CALN1: variants seen among roughly 807,000 people sequenced by gnomAD.
CALN1 encodes calcium-binding protein 8.
CALN1 carries 17 observed loss-of-function variants against 30.6 expected under a neutral mutation model. That is an observed-to-expected ratio of 0.56 (90% CI 0.38 to 0.83). The LOEUF (loss-of-function observed/expected upper bound fraction) is 0.83. CALN1 is among the 40% of genes least tolerant of loss of function. CALN1 has a pLI of 0.00. For missense variants in CALN1, 291 were observed against 354.9 expected, an observed-to-expected ratio of 0.82 and a Z score of 1.45; for synonymous variants, 156 against 131.4, an observed-to-expected ratio of 1.19 and a Z score of -1.28.
intron 4 of CALN1, among the ~76,000 whole-genome samples, chr7:72,074,571 C>G (rs1165315542): frequency 6.6e-6 from 1 of 152,126 alleles, no homozygotes; most frequent in African/African-American, 2.4e-5. Context: ...CCACTCCAGA[C>G]TAATTTTTGT....
At chr7:71,968,516 C>T (rs1008580202) in intron 5 of CALN1, among the ~76,000 whole-genome samples, 3 of 151,902 alleles carry the variant, frequency 2.0e-5, no homozygotes, top group Non-Finnish European at 1.5e-5. Flanking sequence ...CTGCACCCTC[C>T]GCCTGCCGGG....
chr7:72,023,544 T>C, intron 5 of CALN1, 113 bp downstream of exon 5: 1 of 617,846 alleles, frequency 1.6e-6, no homozygotes, highest in South Asian at 3.6e-5. Flanking sequence ...CATATGTCGC[T>C]CAGCCCAGAA....
chr7:72,030,292 C>G (rs1801353695), intron 4 of CALN1, among the ~76,000 whole-genome samples: 1 of 152,150 alleles, frequency 6.6e-6, no homozygotes, highest in African/African-American at 2.4e-5. Flanking sequence ...GGATAGGTCC[C>G]CCATATCTCC....
intron 2 of CALN1, among the ~76,000 whole-genome samples, chr7:72,293,988 C>T (rs140984298): frequency 0.035 from 5,329 of 152,214 alleles, 141 homozygotes; most frequent in Non-Finnish European, 0.052. Flanking sequence ...ATCCCAGCTA[C>T]TCGGGAGGCT....
chr7:72,333,284 A>AT (rs1192040912), intron 2 of CALN1, among the ~76,000 whole-genome samples: 3 of 152,184 alleles, frequency 2.0e-5, no homozygotes, highest in Non-Finnish European at 4.4e-5. Context: ...TAATCTGTGA[A>AT]TTTTTTGATG....
chr7:72,010,373 G>C (rs1008761923), intron 5 of CALN1, among the ~76,000 whole-genome samples: 2 of 152,110 alleles, frequency 1.3e-5, no homozygotes, highest in African/African-American at 4.8e-5. Flanking sequence ...TTGTTTATAA[G>C]CTACCTGGTC....
chr7:72,359,290 C>T (rs1803417863), intron 2 of CALN1, among the ~76,000 whole-genome samples: 1 of 152,224 alleles, frequency 6.6e-6, no homozygotes, highest in Non-Finnish European at 1.5e-5. Context: ...TCACACGGTT[C>T]AATATTCCAA....
intron 5 of CALN1, among the ~76,000 whole-genome samples, chr7:71,954,126 C>T (rs1197215542): frequency 6.6e-6 from 1 of 151,846 alleles, no homozygotes; most frequent in Non-Finnish European, 1.5e-5. Flanking sequence ...GAATTTGAGG[C>T]CAACGTGGGC....
intron 5 of CALN1, among the ~76,000 whole-genome samples, chr7:71,916,412 A>T (rs1467172961): frequency 6.6e-6 from 1 of 151,974 alleles, no homozygotes; most frequent in Non-Finnish European, 1.5e-5. Context: ...AAGAGTGGGC[A>T]GAGGAGAAGA....
chr7:72,456,605 A>G, the CALN1 span, among the ~76,000 whole-genome samples: 1 of 152,044 alleles, frequency 6.6e-6, no homozygotes, highest in Non-Finnish European at 1.5e-5. Flanking sequence ...TAGTCCCAGC[A>G]CTTTGGAAGG....
chr7:72,313,853 C>T lies in CALN1; in HGVS notation c.120-35043G>A, dbSNP rs11978381. On this transcript the variant is annotated intron_variant, in intron 2 of 6. Transcript: ENST00000395275. Reference sequence around the variant, plus strand: ...TACTCCCCTGTAAACTACAAGGAAACAGAGGAAGGGAAGGGAGAGATTTCA... The same window carrying T: ...TACTCCCCTGTAAACTACAAGGAAATAGAGGAAGGGAAGGGAGAGATTTCA... 3.4e-3 allele frequency among the ~76,000 whole-genome samples: 515 copies of T among 152,182 alleles called. 4 individuals carry two copies. Among genetic ancestry groups the T allele is most frequent in the African/African-American group, 0.012 (491 of 41,522 alleles).
intron 3 of CALN1, among the ~76,000 whole-genome samples, chr7:72,111,878 A>G (rs860006): frequency 0.73 from 111,597 of 151,852 alleles, 41,315 homozygotes; most frequent in East Asian, 0.97. Flanking sequence ...AGCCTCATGA[A>G]TAGCTGGGAT....
At chr7:71,997,150 T>C (rs942832846) in intron 5 of CALN1, among the ~76,000 whole-genome samples, 69 of 152,084 alleles carry the variant, frequency 4.5e-4, no homozygotes, top group Non-Finnish European at 3.8e-4. Context: ...GGAGGATGGC[T>C]TGAGCCCAGG....
At chr7:72,225,489 C>T (rs1484832513) in intron 3 of CALN1, among the ~76,000 whole-genome samples, 1 of 151,938 alleles carries the variant, frequency 6.6e-6, no homozygotes, top group Non-Finnish European at 1.5e-5. Flanking sequence ...AAGGAGTGGC[C>T]AATGGGGAAA....
intron 1 of CALN1, among the ~76,000 whole-genome samples, chr7:72,408,675 CTTT>C (rs534883618): frequency 1.3e-5 from 1 of 77,966 alleles, no homozygotes; most frequent in Non-Finnish European, 2.3e-5. Context: ...TTATCTTTTC[CTTT>C]TTTTTTTTTT....
the CALN1 span, among the ~76,000 whole-genome samples, chr7:72,468,166 C>T: frequency 6.6e-6 from 1 of 152,180 alleles, no homozygotes; most frequent in Admixed American, 6.5e-5. Flanking sequence ...ATTTGGGTTA[C>T]GTCTACCTTT....
chr7:72,358,123 C>T (rs925391281), intron 2 of CALN1, among the ~76,000 whole-genome samples: 1 of 151,764 alleles, frequency 6.6e-6, no homozygotes, highest in African/African-American at 2.4e-5. Context: ...TCCCAAAGTG[C>T]CGGGGTTATA....
Position 72,278,741 on chromosome 7 carries a change from G to A in CALN1, c.189C>T (p.Leu63=), listed in dbSNP as rs940633095. 9 of 1,614,012 alleles carry A rather than the reference G, an allele frequency of 5.6e-6. No homozygotes were observed. Among genetic ancestry groups the A allele is most frequent in the African/African-American group, 2.7e-5 (2 of 74,930 alleles). Residue 63 remains leucine (L), a synonymous_variant, in exon 3 of 7, where the codon CTC becomes CTT. Coordinates refer to ENST00000395275, the MANE Select transcript of CALN1 (RefSeq NM_031468.4). ...LYKGNYLNRS[L]SAGSDSEQLA... is the part of the protein sequence containing the mutation. ...GCTGTTCGCTGTCACTGCCAGCAGA[G>A]AGCGATCGGTTGAGGTAATTCCCCT...
intron 2 of CALN1, among the ~76,000 whole-genome samples, chr7:72,336,332 CGG>C (rs1179963960): frequency 6.6e-6 from 1 of 152,112 alleles, no homozygotes; most frequent in Non-Finnish European, 1.5e-5. Context: ...CGCCTGCGGG[CGG>C]GGGCGCGCAG....
Sources: gnomAD v4.1 joint callset for allele counts (sites outside exome capture counted in the v4.1 genomes callset) on GRCh38, gnomAD v4.1.1 for gene constraint, MANE v1.5 for transcripts, NCBI Gene and HGNC (gene_info 2026-07-23, HGNC 2026-07-21) for gene names.